Variants in SMIM31 observed in about 807,000 individuals in gnomAD.
SMIM31 encodes the protein human epithelial cell program regulator.
In SMIM31 at chr4:164,801,226, G is replaced by A. The variant is rs1488530141; in HGVS notation, c.*32G>A. The A allele has an allele frequency of 2.5e-6, 1 of 398,770 alleles. No individual in the cohort carries two copies. The highest frequency in any genetic ancestry group is 2.1e-5 in the African/African-American group (1 of 48,614). 24.7% of individuals were successfully genotyped at this position (398,770 alleles called of 1,614,324 possible). A position where few individuals can be genotyped will look rare whatever the true frequency, so the allele number is the denominator to read the frequency against. ...AGCCACCGATATTTCTCGCTAAGAA[G>A]ACAGAGGAAGCAATCCATGGGAACT... On this transcript the variant is annotated 3_prime_UTR_variant, in exon 3 of 3. Transcript: ENST00000507311.
intron 1 of SMIM31, among the ~76,000 whole-genome samples, chr4:164,763,982 C>A (rs1167397345): frequency 6.6e-6 from 1 of 152,130 alleles, no homozygotes; most frequent in Non-Finnish European, 1.5e-5. Flanking sequence ...CTATATCTAT[C>A]TTTAGTTTCC....
chr4:164,758,240 A>T (rs1180207637), intron 1 of SMIM31, among the ~76,000 whole-genome samples: 3 of 152,176 alleles, frequency 2.0e-5, no homozygotes, highest in Non-Finnish European at 4.4e-5. Flanking sequence ...GTATCCTAAG[A>T]TGTTACTAAA....
At chr4:164,763,674 C>T (rs1037557527) in intron 1 of SMIM31, among the ~76,000 whole-genome samples, 5 of 152,160 alleles carry the variant, frequency 3.3e-5, no homozygotes, top group South Asian at 2.1e-4. Context: ...CCTAAGCTTA[C>T]AGATTAAGCA....
At chr4:164,797,053 G>A (rs1448283276) in intron 2 of SMIM31, among the ~76,000 whole-genome samples, 1 of 152,084 alleles carries the variant, frequency 6.6e-6, no homozygotes, top group East Asian at 1.9e-4. Context: ...TGTTCTACTG[G>A]CTGCTGTCAT....
intron 1 of SMIM31, among the ~76,000 whole-genome samples, chr4:164,757,275 T>A (rs1436232330): frequency 6.6e-6 from 1 of 152,224 alleles, no homozygotes; most frequent in Non-Finnish European, 1.5e-5. Context: ...TGTCTTTTTG[T>A]TATTGAGTTG....
At chr4:164,783,663 TC>T (rs565026454) in intron 2 of SMIM31, among the ~76,000 whole-genome samples, 10 of 151,826 alleles carry the variant, frequency 6.6e-5, no homozygotes, top group African/African-American at 2.2e-4. Flanking sequence ...ATGCCTGTAA[TC>T]CCAGCTACTT....
chr4:164,785,067 T>C (rs1733010268), intron 2 of SMIM31, among the ~76,000 whole-genome samples: 1 of 151,506 alleles, frequency 6.6e-6, no homozygotes, highest in African/African-American at 2.4e-5. Flanking sequence ...CTACTAAAAA[T>C]ACAAAAAAGT....
chr4:164,758,630 G>GTTTTTTTTTTTTTTTT (rs1210607914), intron 1 of SMIM31, among the ~76,000 whole-genome samples: 3 of 96,642 alleles, frequency 3.1e-5, no homozygotes, highest in Non-Finnish European at 5.7e-5. Flanking sequence ...TCCTTTTTTT[G>GTTTTTTTTTTTTTTTT]TTTTTTTTTT....
intron 2 of SMIM31, among the ~76,000 whole-genome samples, chr4:164,791,897 A>G (rs1733106289): frequency 6.6e-6 from 1 of 152,106 alleles, no homozygotes; most frequent in Non-Finnish European, 1.5e-5. Flanking sequence ...ACCACTTCGT[A>G]TGCCTTTGCG....
chr4:164,799,773 A>G (rs1251302280), intron 2 of SMIM31, among the ~76,000 whole-genome samples: 3 of 152,234 alleles, frequency 2.0e-5, no homozygotes, highest in Non-Finnish European at 2.9e-5. Context: ...GATCTTTGTC[A>G]GTTTTATTCA....
chr4:164,774,846 AAT>A lies in SMIM31; in HGVS notation c.112+4292_112+4293del, dbSNP rs538745593. Among the ~76,000 whole-genome samples, 3 of 152,292 alleles carry A rather than the reference AAT, an allele frequency of 2.0e-5. No homozygotes were observed. The South Asian group carries it at 6.2e-4, about 32-fold the overall frequency. ...ATTAAATTTTGCCCTGGCTCAAGTA[AAT>A]TCACTTTAGTTGATCCATTCCAGTA... On this transcript the variant is annotated intron_variant, in intron 2 of 2. Coordinates refer to ENST00000507311, the MANE Select transcript of SMIM31 (RefSeq NM_001352885.1).
At chr4:164,777,692 A>G (rs934394909) in intron 2 of SMIM31, among the ~76,000 whole-genome samples, 4 of 151,566 alleles carry the variant, frequency 2.6e-5, no homozygotes, top group Non-Finnish European at 5.9e-5. Flanking sequence ...AGCAGTAGCT[A>G]TCCAGCATCC....
intron 2 of SMIM31, among the ~76,000 whole-genome samples, chr4:164,772,133 GGCTTCTGCTTCTGTGAAA>G (rs1209900601): frequency 6.6e-6 from 1 of 152,150 alleles, no homozygotes; most frequent in Admixed American, 6.5e-5. Context: ...GAAGCCTAGT[GGCTTCTGCTTCTGTGAAA>G]GCCTCAGAAA....
intron 2 of SMIM31, among the ~76,000 whole-genome samples, chr4:164,782,427 G>A (rs766420225): frequency 2.2e-4 from 29 of 131,264 alleles, no homozygotes; most frequent in Non-Finnish European, 3.9e-4. Flanking sequence ...GGCCCAGGCT[G>A]GAGTGCAGTG....
At chr4:164,790,736 G>A (rs1180064445) in intron 2 of SMIM31, among the ~76,000 whole-genome samples, 1 of 151,996 alleles carries the variant, frequency 6.6e-6, no homozygotes, top group Non-Finnish European at 1.5e-5. Flanking sequence ...TACTTTTTGG[G>A]TATATTCACC....
chr4:164,797,904 G>A (rs1560833481), intron 2 of SMIM31, among the ~76,000 whole-genome samples: 1 of 151,908 alleles, frequency 6.6e-6, no homozygotes, highest in Non-Finnish European at 1.5e-5. Context: ...ACCTTTTGTT[G>A]TCCCTAATGT....
intron 2 of SMIM31, among the ~76,000 whole-genome samples, chr4:164,779,311 G>A (rs191855342): frequency 6.6e-6 from 1 of 152,196 alleles, no homozygotes; most frequent in African/African-American, 2.4e-5. Flanking sequence ...TAGTTCTGCG[G>A]GTGCCAAAGG....
At chr4:164,788,489 T>TTC (rs1733057758) in intron 2 of SMIM31, among the ~76,000 whole-genome samples, 1 of 115,352 alleles carries the variant, frequency 8.7e-6, no homozygotes, top group African/African-American at 3.3e-5. Context: ...TTTTTTTTTT[T>TTC]TTTTTTTTTT....
chr4:164,773,666 A>C (rs186566568), intron 2 of SMIM31, among the ~76,000 whole-genome samples: 1 of 152,212 alleles, frequency 6.6e-6, no homozygotes, highest in African/African-American at 2.4e-5. Flanking sequence ...ACTGTAATTC[A>C]AGATGAGATT....
Sources: allele counts gnomAD v4.1 joint callset (sites outside exome capture counted in the v4.1 genomes callset), GRCh38; gene constraint gnomAD v4.1.1; transcripts MANE v1.5; gene names NCBI Gene and HGNC (gene_info 2026-07-23, HGNC 2026-07-21).